Variants in ADGRL3 observed in about 807,000 individuals in gnomAD.
ADGRL3 encodes adhesion G protein-coupled receptor L3.
In ADGRL3, 62 loss-of-function variants were observed where a neutral mutation model predicts 153.5. The observed-to-expected ratio is 0.40, with a 90% CI of 0.33 to 0.50. The LOEUF (loss-of-function observed/expected upper bound fraction) is 0.50, where lower values mean the gene tolerates loss of function less well. Among genes scored for constraint, ADGRL3 ranks in the 20% least tolerant of loss-of-function variants. The probability of loss-of-function intolerance (pLI) is 0.47; values close to 1 mark genes in which losing one functional copy is unlikely to be tolerated. For synonymous variants in ADGRL3, 710 were observed against 672.5 expected (o/e 1.06, Z -0.86); for missense variants, 1,641 against 1,859.4 (o/e 0.88, Z 2.16).
At chr4:61,389,832 C>A (rs2096781992) in intron 2 of ADGRL3, among the ~76,000 whole-genome samples, 1 of 152,010 alleles carries the variant, frequency 6.6e-6, no homozygotes, top group African/African-American at 2.4e-5. Context: ...AAATGGTGAC[C>A]TTTAGAAATC....
At chr4:61,493,233 C>T (rs1486421464) in intron 2 of ADGRL3, among the ~76,000 whole-genome samples, 1 of 151,990 alleles carries the variant, frequency 6.6e-6, no homozygotes, top group Non-Finnish European at 1.5e-5. Context: ...GAGAGGCAGG[C>T]GGTGAGGCTG....
At chr4:61,865,003 G>A (rs1201853358) in intron 9 of ADGRL3, among the ~76,000 whole-genome samples, 2 of 152,126 alleles carry the variant, frequency 1.3e-5, no homozygotes, top group African/African-American at 4.8e-5. Context: ...AGAACCTAGT[G>A]ATTTTTAGCC....
intron 1 of ADGRL3, among the ~76,000 whole-genome samples, chr4:61,377,296 A>G (rs1176113493): frequency 6.6e-6 from 1 of 152,102 alleles, no homozygotes; most frequent in Non-Finnish European, 1.5e-5. Context: ...TGCATCAATT[A>G]TAATGTATTT....
intron 1 of ADGRL3, among the ~76,000 whole-genome samples, chr4:61,281,638 C>A (rs770013714): frequency 6.6e-6 from 1 of 152,050 alleles, no homozygotes; most frequent in Non-Finnish European, 1.5e-5. Flanking sequence ...GATGCCTTAT[C>A]GCCATGAAGC....
chr4:61,562,997 A>G (rs1309005668), intron 4 of ADGRL3, among the ~76,000 whole-genome samples: 2 of 151,796 alleles, frequency 1.3e-5, no homozygotes, highest in African/African-American at 2.4e-5. Context: ...TATTCTTTCC[A>G]GAAGACTTGC....
intron 1 of ADGRL3, among the ~76,000 whole-genome samples, chr4:61,251,877 T>C (rs1020953532): frequency 1.4e-5 from 2 of 146,640 alleles, no homozygotes; most frequent in African/African-American, 2.5e-5. Context: ...CTTTTTTTTT[T>C]TAATTTTTTT....
chr4:61,316,414 T>G lies in ADGRL3; in HGVS notation c.-239-66710T>G, dbSNP rs543936840. Among the ~76,000 whole-genome samples, 4 of 152,208 alleles carry G rather than the reference T, an allele frequency of 2.6e-5. No individual in the cohort carries two copies. The South Asian group carries it at 8.3e-4, about 32-fold the overall frequency. ...AAGACGTCAGAGCAAGAAATTTGGA[T>G]TTTTTAAAATTAGGTTGGTCAAAAG... On this transcript the variant is annotated intron_variant, in intron 1 of 26. Transcript: ENST00000683033.
intron 2 of ADGRL3, among the ~76,000 whole-genome samples, chr4:61,435,776 A>G (rs984560825): frequency 6.6e-6 from 1 of 152,016 alleles, no homozygotes; most frequent in African/African-American, 2.4e-5. Context: ...GGCTAATCTA[A>G]TCTCATTACT....
At chr4:62,066,354 A>C (rs545679832) in intron 25 of ADGRL3, among the ~76,000 whole-genome samples, 1 of 152,126 alleles carries the variant, frequency 6.6e-6, no homozygotes, top group Non-Finnish European at 1.5e-5. Context: ...GCATAGAAGC[A>C]TTCTTTTTTA....
intron 15 of ADGRL3, 108 bp downstream of exon 15, chr4:61,936,153 C>T: frequency 2.5e-6 from 3 of 1,201,800 alleles, no homozygotes; most frequent in Non-Finnish European, 3.6e-6. Flanking sequence ...TCCCCTCTTC[C>T]TCTTCCTACA....
At chr4:61,868,513 C>T (rs770892467) in intron 9 of ADGRL3, among the ~76,000 whole-genome samples, 8 of 152,118 alleles carry the variant, frequency 5.3e-5, no homozygotes, top group East Asian at 1.9e-4. Context: ...CTATAACAAA[C>T]GAATGAAAGG....
At chr4:61,932,890 G>A (rs1469586453) in intron 13 of ADGRL3, among the ~76,000 whole-genome samples, 2 of 151,854 alleles carry the variant, frequency 1.3e-5, no homozygotes, top group African/African-American at 2.4e-5. Context: ...ATTTTTTCCT[G>A]ATTTAGTCTT....
chr4:61,465,072 G>A (rs1217743621), intron 2 of ADGRL3, among the ~76,000 whole-genome samples: 3 of 151,944 alleles, frequency 2.0e-5, no homozygotes, highest in African/African-American at 7.3e-5. Flanking sequence ...GAGTATATTG[G>A]GAAAATAAAT....
At chr4:61,282,911 C>T (rs1468336266) in intron 1 of ADGRL3, among the ~76,000 whole-genome samples, 1 of 151,982 alleles carries the variant, frequency 6.6e-6, no homozygotes, top group African/African-American at 2.4e-5. Flanking sequence ...ATATTTTGTT[C>T]ATTGTTACCT....
At chr4:62,007,776 A>G (rs2099166938) in intron 21 of ADGRL3, among the ~76,000 whole-genome samples, 1 of 152,040 alleles carries the variant, frequency 6.6e-6, no homozygotes. Context: ...AACCTTGGGA[A>G]AACGGGTCAG....
At chr4:61,491,987 AT>A (rs1211918819) in intron 2 of ADGRL3, among the ~76,000 whole-genome samples, 1 of 151,156 alleles carries the variant, frequency 6.6e-6, no homozygotes, top group South Asian at 2.1e-4. Context: ...TTGTAAGGTC[AT>A]AGCTATGATT....
At chr4:61,864,186 GTAA>G (rs1561379922) in intron 9 of ADGRL3, among the ~76,000 whole-genome samples, 2 of 152,164 alleles carry the variant, frequency 1.3e-5, no homozygotes, top group African/African-American at 4.8e-5. Context: ...TTAAAAGCTG[GTAA>G]TAATCTATTT....
At chr4:61,977,017 A>G (rs1449870327) in intron 17 of ADGRL3, among the ~76,000 whole-genome samples, 3 of 152,222 alleles carry the variant, frequency 2.0e-5, no homozygotes, top group Non-Finnish European at 4.4e-5. Context: ...TGAATTATTT[A>G]CTAGGATTTT....
intron 8 of ADGRL3, among the ~76,000 whole-genome samples, chr4:61,800,810 T>C (rs1347939617): frequency 6.6e-6 from 1 of 152,198 alleles, no homozygotes; most frequent in Non-Finnish European, 1.5e-5. Context: ...ATGAAAATGA[T>C]CCCTTTTTGT....
Sources: gnomAD v4.1 joint callset for allele counts (sites outside exome capture counted in the v4.1 genomes callset) on GRCh38, gnomAD v4.1.1 for gene constraint, MANE v1.5 for transcripts, NCBI Gene and HGNC (gene_info 2026-07-23, HGNC 2026-07-21) for gene names.